The following PCDHGB1 variants were observed in gnomAD, a reference collection of about 807,000 sequenced individuals.
The protein encoded by PCDHGB1 is protocadherin gamma-B1.
A neutral mutation model predicts 56.6 loss-of-function variants in PCDHGB1; 34 were observed. The ratio of observed to expected loss-of-function variants is 0.60; its 90% confidence interval spans 0.46 to 0.80. The LOEUF (loss-of-function observed/expected upper bound fraction) is 0.80, where lower values mean the gene tolerates loss of function less well. PCDHGB1 is among the 30% of genes least tolerant of loss of function. PCDHGB1 has a pLI of 0.00. For missense variants in PCDHGB1, 1,278 were observed against 1,204.6 expected (o/e 1.06, Z -0.90); for synonymous variants, 561 against 505.9 (o/e 1.11, Z -1.46).
chr5:141,413,445 C>A (rs764464917), intron 1 of PCDHGB1: 1 of 1,613,986 alleles, frequency 6.2e-7, no homozygotes, highest in Admixed American at 1.7e-5. Flanking sequence ...GCTTGATCAC[C>A]GCGGGCAGGA....
intron 1 of PCDHGB1, among the ~76,000 whole-genome samples, chr5:141,445,597 G>T (rs2098471988): frequency 6.6e-6 from 1 of 152,200 alleles, no homozygotes; most frequent in African/African-American, 2.4e-5. Context: ...TAATCTGAAG[G>T]TCAAGGAAGG....
intron 1 of PCDHGB1, chr5:141,405,325 G>A: frequency 5.6e-6 from 9 of 1,614,170 alleles, no homozygotes; most frequent in African/African-American, 1.3e-5. Context: ...ATGAGCCTTT[G>A]TGCGTCTCTG....
rs747994258 is a variant in PCDHGB1 at position 141,365,910 on chromosome 5, A to G, written c.2409+13241A>G. ...TCCTTCGACTATGAGCAGTTGAGAGACCTACAGTTGTGGGTGACAGCCAGC... is the reference window on the plus strand; with the variant it reads ...TCCTTCGACTATGAGCAGTTGAGAGGCCTACAGTTGTGGGTGACAGCCAGC... On this transcript the variant is annotated intron_variant, in intron 1 of 3. Transcript: ENST00000523390. The G allele has an allele frequency of 5.0e-6, 8 of 1,614,146 alleles. No homozygotes were observed. In the South Asian group the frequency reaches 8.8e-5, roughly 18 times the overall value.
intron 1 of PCDHGB1, chr5:141,409,291 A>G: frequency 6.2e-7 from 1 of 1,614,000 alleles, no homozygotes; most frequent in Non-Finnish European, 8.5e-7. Context: ...CACCTCCAGG[A>G]ATGGTTGTTG....
At position 141,352,388 on chromosome 5, in the gene PCDHGB1, C is replaced by G. The variant is rs1021854619; in HGVS notation, c.2128C>G (p.Arg710Gly). The change falls in exon 1 of 4, where the codon CGC (arginine) becomes GGC (glycine). Residue 710 changes from arginine to glycine, a missense_variant. Physicochemically the swap from Arg to Gly is moderately radical, Grantham distance 125. Transcript: ENST00000523390. ...CGCGGTGATTCTAGCGATCGCCCTG[C>G]GCCTGCGACGTTCCTCCAGCCTCGA... ...LLAVILAIALRLRRSSSLDTE... is the reference protein window; with the variant it reads ...LLAVILAIALGLRRSSSLDTE... 1.2e-6 allele frequency: 2 copies of G among 1,614,058 alleles called. No individual in the cohort carries two copies. The highest frequency in any genetic ancestry group is 8.5e-7 in the Non-Finnish European group (1 of 1,179,902).
Position 141,486,859 on chromosome 5 carries a change from T to C in PCDHGB1, c.2410-7948T>C, listed in dbSNP as rs1231188225. ...TTGTGCTGGACCTCAATGACAATGC[T>C]CCAGCTGTGCTCCGTCCTCGGGCCC... On this transcript the variant is annotated intron_variant, in intron 1 of 3. Transcript: ENST00000523390. The surrounding 1 kb of genome is among the most constrained non-coding windows in gnomAD (Gnocchi z 5.0). The C allele has an allele frequency of 1.9e-6, 3 of 1,614,242 alleles. No individual in the cohort carries two copies. The highest frequency in any genetic ancestry group is 2.7e-5 in the African/African-American group (2 of 75,072).
chr5:141,414,642 C>A (rs547014431), intron 1 of PCDHGB1: 1 of 1,613,962 alleles, frequency 6.2e-7, no homozygotes, highest in Admixed American at 1.7e-5. Context: ...AAGAGAATGC[C>A]CAGATTATTT....
At chr5:141,395,398 T>A (rs976008795) in intron 1 of PCDHGB1, 8 of 863,662 alleles carry the variant, frequency 9.3e-6, no homozygotes, top group South Asian at 2.0e-5. Context: ...TGAACTCTAA[T>A]AGTCATAGGT....
At position 141,394,528 on chromosome 5, in the gene PCDHGB1, C is replaced by T. The variant is rs1465272752; in HGVS notation, c.2409+41859C>T. Reference sequence around the variant, plus strand: ...TACCCCGCCCTCCCCACAGACGGTTCCACTGGCGTGGAGCTGGCGCCCCGC... The same window carrying T: ...TACCCCGCCCTCCCCACAGACGGTTTCACTGGCGTGGAGCTGGCGCCCCGC... On this transcript the variant is annotated intron_variant, in intron 1 of 3. Transcript: ENST00000523390. 3 of 1,614,096 alleles carry T rather than the reference C, an allele frequency of 1.9e-6. No individual in the cohort carries two copies. The highest frequency in any genetic ancestry group is 2.5e-6 in the Non-Finnish European group (3 of 1,180,058).
chr5:141,450,264 C>T (rs1395960399), intron 1 of PCDHGB1, among the ~76,000 whole-genome samples: 1 of 152,112 alleles, frequency 6.6e-6, no homozygotes, highest in Non-Finnish European at 1.5e-5. Flanking sequence ...GTGATCTGCC[C>T]ACCTCAGCTA....
chr5:141,409,438 A>G (rs1459982502), intron 1 of PCDHGB1: 2 of 1,613,984 alleles, frequency 1.2e-6, no homozygotes, highest in Non-Finnish European at 1.7e-6. Flanking sequence ...CCCTGGACCG[A>G]GAGCAGACAC....
chr5:141,479,631 A>G (rs191955216), intron 1 of PCDHGB1: 1 of 152,282 alleles, frequency 6.6e-6, no homozygotes, highest in Non-Finnish European at 1.5e-5. Context: ...TCTCTTTAAC[A>G]ATAACAACAA....
In PCDHGB1 at chr5:141,493,211, G is replaced by C. The variant is rs1312763933; in HGVS notation, c.2410-1596G>C. Reference sequence around the variant, plus strand: ...CTCCTTTGAGAACCTCATCTCATTTGCTCTTCCCACCATTGCTGTTGGCTA... The same window carrying C: ...CTCCTTTGAGAACCTCATCTCATTTCCTCTTCCCACCATTGCTGTTGGCTA... On this transcript the variant is annotated intron_variant, in intron 1 of 3. Transcript: ENST00000523390. The surrounding 1 kb of genome is among the most constrained non-coding windows in gnomAD (Gnocchi z 4.3). 6.6e-6 allele frequency among the ~76,000 whole-genome samples: 1 copy of C among 152,180 alleles called. No individual in the cohort carries two copies. The highest frequency in any genetic ancestry group is 2.4e-5 in the African/African-American group (1 of 41,436).
intron 1 of PCDHGB1, chr5:141,364,640 G>T: frequency 6.2e-7 from 1 of 1,614,130 alleles, no homozygotes; most frequent in Non-Finnish European, 8.5e-7. Context: ...ACTGTGTGTG[G>T]TGAACTTTAA....
At chr5:141,497,568 C>G (rs1012946741) in intron 2 of PCDHGB1, among the ~76,000 whole-genome samples, 2 of 140,602 alleles carry the variant, frequency 1.4e-5, no homozygotes, top group African/African-American at 5.4e-5. Flanking sequence ...TAGACAGAGT[C>G]TTGCTCTGTT....
In PCDHGB1 at chr5:141,431,129, A is replaced by G. The variant is rs771219303; in HGVS notation, c.2410-63678A>G. The G allele has an allele frequency of 7.4e-6, 12 of 1,614,152 alleles. No homozygotes were observed. The Admixed American group carries it at 1.7e-4, about 22-fold the overall frequency. Reference sequence around the variant, plus strand: ...AATATATGGAGTAGAAGTAGAAGTAAGGGACATTAACGACAATGCGCCTTA... The same window carrying G: ...AATATATGGAGTAGAAGTAGAAGTAGGGGACATTAACGACAATGCGCCTTA... On this transcript the variant is annotated intron_variant, in intron 1 of 3. Coordinates refer to ENST00000523390, the MANE Select transcript of PCDHGB1 (RefSeq NM_018922.3). The surrounding 1 kb of genome is among the most constrained non-coding windows in gnomAD (Gnocchi z 4.8).
chr5:141,478,382 C>A (rs1287807889), intron 1 of PCDHGB1: 2 of 1,613,552 alleles, frequency 1.2e-6, no homozygotes, highest in South Asian at 2.2e-5. Flanking sequence ...GTCGCCGCAC[C>A]TTTACCATCA....
intron 1 of PCDHGB1, chr5:141,426,664 A>G (rs886265350): frequency 2.3e-6 from 1 of 429,248 alleles, no homozygotes; most frequent in Admixed American, 2.5e-5. Flanking sequence ...GATATAAATG[A>G]TAACCCACCT....
chr5:141,453,559 C>T (rs2098769120), intron 1 of PCDHGB1, among the ~76,000 whole-genome samples: 1 of 152,126 alleles, frequency 6.6e-6, no homozygotes, highest in Non-Finnish European at 1.5e-5. Context: ...TGTAGATAAT[C>T]GATTTCATTA....
Sources: allele counts gnomAD v4.1 joint callset (sites outside exome capture counted in the v4.1 genomes callset), GRCh38; gene constraint gnomAD v4.1.1; non-coding constraint Gnocchi (gnomAD v3.1); transcripts MANE v1.5; gene names NCBI Gene and HGNC (gene_info 2026-07-23, HGNC 2026-07-21).